Variants in CACNA1E observed in about 807,000 individuals in gnomAD.
The protein encoded by CACNA1E is voltage-dependent R-type calcium channel subunit alpha-1E.
Under a neutral mutation model 259.2 loss-of-function variants are expected in CACNA1E, and 40 were observed. The ratio of observed to expected loss-of-function variants is 0.15; its 90% CI spans 0.12 to 0.20. The LOEUF (loss-of-function observed/expected upper bound fraction) is 0.20. CACNA1E is among the 10% of genes least tolerant of loss of function. CACNA1E has a pLI of 1.00. For synonymous variants in CACNA1E, 1,104 were observed against 1,138.5 expected, an observed-to-expected ratio of 0.97 and a Z score of 0.61; for missense variants, 1,874 against 3,040.1, an observed-to-expected ratio of 0.62 and a Z score of 9.02.
chr1:181,737,397 T>C (rs1331821059), intron 22 of CACNA1E, 128 bp from the exon 23 acceptor site: 3 of 1,036,770 alleles, frequency 2.9e-6, no homozygotes, highest in East Asian at 2.6e-5. Context: ...TAAATTGCTC[T>C]CCCTGGCGGC....
At chr1:181,655,732 A>G (rs1659156293) in intron 7 of CACNA1E, among the ~76,000 whole-genome samples, 1 of 152,220 alleles carries the variant, frequency 6.6e-6, no homozygotes, top group Admixed American at 6.5e-5. Flanking sequence ...CCTAGAGAGT[A>G]TCAAGCAGTA....
chr1:181,504,165 A>G (rs1267472988), intron 1 of CACNA1E, among the ~76,000 whole-genome samples: 1 of 152,164 alleles, frequency 6.6e-6, no homozygotes, highest in Admixed American at 6.5e-5. Context: ...ATCCAAAAAC[A>G]TGAGACTGAA....
At chr1:181,633,704 C>A (rs994196789) in intron 6 of CACNA1E, among the ~76,000 whole-genome samples, 2 of 152,168 alleles carry the variant, frequency 1.3e-5, no homozygotes, top group Non-Finnish European at 2.9e-5. Flanking sequence ...GTTGGCCATA[C>A]TGGTTTTGAA....
At chr1:181,403,529 C>T (rs1472810038) in intron 1 of CACNA1E, among the ~76,000 whole-genome samples, 2 of 151,612 alleles carry the variant, frequency 1.3e-5, no homozygotes, top group Non-Finnish European at 2.9e-5. Context: ...GAATACTGAC[C>T]AAGAATTTTA....
intron 6 of CACNA1E, among the ~76,000 whole-genome samples, chr1:181,644,167 G>T (rs1451004115): frequency 2.0e-5 from 3 of 152,112 alleles, no homozygotes; most frequent in South Asian, 2.1e-4. Context: ...TCTGTCTTTT[G>T]TTCTGCCCTA....
chr1:181,442,217 G>T (rs1487510499), intron 2 of CACNA1E, among the ~76,000 whole-genome samples: 1 of 125,258 alleles, frequency 8.0e-6, no homozygotes, highest in African/African-American at 3.7e-5. Flanking sequence ...GGGGGCACAG[G>T]TATGGGGGCA....
chr1:181,663,134 A>T (rs1381292162), intron 7 of CACNA1E, among the ~76,000 whole-genome samples: 2 of 152,360 alleles, frequency 1.3e-5, no homozygotes, highest in East Asian at 3.9e-4. Flanking sequence ...CACTCATAGT[A>T]ATATCATGGA....
At chr1:181,553,280 C>A (rs1648376769) in intron 3 of CACNA1E, among the ~76,000 whole-genome samples, 1 of 152,144 alleles carries the variant, frequency 6.6e-6, no homozygotes, top group Non-Finnish European at 1.5e-5. Flanking sequence ...ATTGGGAGTT[C>A]ATTCATGATT....
chr1:181,538,401 G>T (rs184209751), intron 3 of CACNA1E, among the ~76,000 whole-genome samples: 2 of 152,134 alleles, frequency 1.3e-5, no homozygotes, highest in Non-Finnish European at 2.9e-5. Context: ...TTATATGGTG[G>T]TTCTGTATTG....
chr1:181,475,913 G>C (rs1191390857), intron 2 of CACNA1E, among the ~76,000 whole-genome samples: 1 of 152,174 alleles, frequency 6.6e-6, no homozygotes, highest in Non-Finnish European at 1.5e-5. Flanking sequence ...GGAGGGGGTA[G>C]TTGAAATGGC....
At chr1:181,372,347 C>T (rs1654764407) in intron 1 of CACNA1E, among the ~76,000 whole-genome samples, 1 of 151,936 alleles carries the variant, frequency 6.6e-6, no homozygotes, top group African/African-American at 2.4e-5. Flanking sequence ...ATATTTTGTT[C>T]TTTTTGTGGC....
At chr1:181,596,957 G>A (rs1018165750) in intron 6 of CACNA1E, among the ~76,000 whole-genome samples, 1 of 152,044 alleles carries the variant, frequency 6.6e-6, no homozygotes, top group Non-Finnish European at 1.5e-5. Context: ...GCAGAAATAG[G>A]GATGTGGAGG....
chr1:181,654,713 G>A lies in CACNA1E; in HGVS notation c.1055+3272G>A, dbSNP rs192413539. 6.2e-3 allele frequency among the ~76,000 whole-genome samples: 937 copies of A among 152,218 alleles called. 10 individuals are homozygous for A. Among genetic ancestry groups the A allele is most frequent in the African/African-American group, 0.022 (904 of 41,544 alleles). On this transcript the variant is annotated intron_variant, in intron 7 of 47. Transcript: ENST00000367573. ...ACATAAGATATCTTGGGCGGGGCGCGCTGGCTCACGCCTGTAATCCCAGCA... is the reference window on the plus strand; with the variant it reads ...ACATAAGATATCTTGGGCGGGGCGCACTGGCTCACGCCTGTAATCCCAGCA...
chr1:181,479,640 G>C (rs1232025668), upstream of CACNA1E, among the ~76,000 whole-genome samples: 1 of 152,152 alleles, frequency 6.6e-6, no homozygotes, highest in Non-Finnish European at 1.5e-5. Context: ...AGGAACACTT[G>C]GCCTCTGATC....
At chr1:181,621,606 A>G (rs1292068853) in intron 6 of CACNA1E, among the ~76,000 whole-genome samples, 2 of 152,232 alleles carry the variant, frequency 1.3e-5, no homozygotes, top group Non-Finnish European at 2.9e-5. Flanking sequence ...CAGCCTGTCA[A>G]TAAGGGAGGA....
intron 7 of CACNA1E, among the ~76,000 whole-genome samples, chr1:181,699,771 A>G (rs1349148697): frequency 6.6e-6 from 1 of 152,152 alleles, no homozygotes. Context: ...ACTGCCAGGA[A>G]TTGCTTATGG....
chr1:181,390,580 G>C (rs936847174), intron 1 of CACNA1E, among the ~76,000 whole-genome samples: 2 of 152,142 alleles, frequency 1.3e-5, no homozygotes, highest in Non-Finnish European at 2.9e-5. Flanking sequence ...AGCACATCAA[G>C]GACTGGAAGC....
At chr1:181,540,473 G>A (rs561891138) in intron 3 of CACNA1E, among the ~76,000 whole-genome samples, 1 of 152,282 alleles carries the variant, frequency 6.6e-6, no homozygotes, top group African/African-American at 2.4e-5. Flanking sequence ...AATTAGGAAG[G>A]CAGATGATGG....
chr1:181,534,458 A>G (rs1403439286), intron 3 of CACNA1E, among the ~76,000 whole-genome samples: 1 of 152,170 alleles, frequency 6.6e-6, no homozygotes, highest in Non-Finnish European at 1.5e-5. Flanking sequence ...GAACAGAAAC[A>G]TATAGGATGA....
Sources: gnomAD v4.1 joint callset for allele counts (sites outside exome capture counted in the v4.1 genomes callset) on GRCh38, gnomAD v4.1.1 for gene constraint, MANE v1.5 for transcripts, NCBI Gene and HGNC (gene_info 2026-07-23, HGNC 2026-07-21) for gene names.